Variants in MAF observed in about 807,000 individuals in gnomAD.
MAF encodes MAF bZIP transcription factor.
In MAF, 10 loss-of-function variants were observed where a neutral mutation model predicts 22.0. That is an observed-to-expected ratio of 0.45 (90% CI 0.28 to 0.77). MAF has a LOEUF of 0.77. Among genes scored for constraint, MAF ranks in the 30% least tolerant of loss-of-function variants. The probability of loss-of-function intolerance (pLI) is 0.12; values close to 1 mark genes in which losing one functional copy is unlikely to be tolerated. For missense variants in MAF, 544 were observed against 548.4 expected (o/e 0.99, Z 0.08); for synonymous variants, 337 against 255.8 (o/e 1.32, Z -3.03).
At chr16:79,477,492 C>A in the MAF span, among the ~76,000 whole-genome samples, 1 of 152,176 alleles carries the variant, frequency 6.6e-6, no homozygotes, top group Non-Finnish European at 1.5e-5. Flanking sequence ...ACCTTGAAAG[C>A]CTGTGTTCAC....
At chr16:79,272,129 G>T in the MAF span, among the ~76,000 whole-genome samples, 5 of 152,288 alleles carry the variant, frequency 3.3e-5, no homozygotes, top group East Asian at 9.7e-4. Context: ...GGCAGCAGGC[G>T]GGGGCCCCCA....
chr16:79,279,127 C>G, the MAF span, among the ~76,000 whole-genome samples: 1 of 152,120 alleles, frequency 6.6e-6, no homozygotes, highest in Non-Finnish European at 1.5e-5. Flanking sequence ...TAGACAGGAA[C>G]CAGTGGCTTC....
chr16:79,299,349 AAAAAAAAAAAAAAG>A, the MAF span, among the ~76,000 whole-genome samples: 3 of 92,464 alleles, frequency 3.2e-5, no homozygotes, highest in Admixed American at 2.0e-4. Flanking sequence ...AAGAAAAAGA[AAAAAAAAAAAAAAG>A]AAAAAAAACA....
the MAF span, among the ~76,000 whole-genome samples, chr16:79,263,697 T>A: frequency 6.6e-6 from 1 of 151,556 alleles, no homozygotes. Context: ...GGGGAGGAGG[T>A]TGTCTCCTCA....
the MAF span, among the ~76,000 whole-genome samples, chr16:79,529,668 A>G: frequency 6.6e-6 from 1 of 152,206 alleles, no homozygotes; most frequent in Admixed American, 6.5e-5. Context: ...CATGCAATAA[A>G]TATTATTTTA....
At chr16:79,313,406 G>C in the MAF span, among the ~76,000 whole-genome samples, 3 of 152,136 alleles carry the variant, frequency 2.0e-5, no homozygotes, top group Admixed American at 6.5e-5. Context: ...AACAGTAAAA[G>C]GCCAGTCATG....
chr16:79,400,105 A>G, the MAF span, among the ~76,000 whole-genome samples: 35 of 152,306 alleles, frequency 2.3e-4, no homozygotes, highest in South Asian at 2.5e-3. Flanking sequence ...TGGTTGCTCC[A>G]GGACAGGGTA....
chr16:79,477,720 A>T, the MAF span, among the ~76,000 whole-genome samples: 16 of 150,058 alleles, frequency 1.1e-4, no homozygotes, highest in African/African-American at 2.9e-4. Context: ...ATTAAGTGAC[A>T]TTTTTTTTTT....
At chr16:79,452,568 C>T in the MAF span, among the ~76,000 whole-genome samples, 1 of 152,116 alleles carries the variant, frequency 6.6e-6, no homozygotes, top group Non-Finnish European at 1.5e-5. Flanking sequence ...TTTACCCTCT[C>T]ATTTTCTCAG....
intron 1 of MAF, chr16:79,595,123 G>GGA: frequency 9.9e-7 from 1 of 1,013,076 alleles, no homozygotes; most frequent in African/African-American, 1.8e-5. Context: ...GTTGTGATGA[G>GGA]GAAAAAAAAA....
At chr16:79,524,398 G>A in the MAF span, among the ~76,000 whole-genome samples, 1 of 152,082 alleles carries the variant, frequency 6.6e-6, no homozygotes, top group Non-Finnish European at 1.5e-5. Context: ...TTTGCAACTG[G>A]CAAATGAAAC....
At chr16:79,292,552 G>A in the MAF span, among the ~76,000 whole-genome samples, 13 of 152,164 alleles carry the variant, frequency 8.5e-5, no homozygotes, top group Non-Finnish European at 1.6e-4. Flanking sequence ...TAGAGAGAAA[G>A]AACTCAGAAG....
chr16:79,213,589 A>ATCTT, the MAF span, among the ~76,000 whole-genome samples: 2 of 152,236 alleles, frequency 1.3e-5, no homozygotes, highest in East Asian at 3.9e-4. Context: ...TTCCTTGTTG[A>ATCTT]TCTTTGGAAC....
chr16:79,507,308 A>T, the MAF span, among the ~76,000 whole-genome samples: 1 of 147,016 alleles, frequency 6.8e-6, no homozygotes. Flanking sequence ...AGTGGAGACC[A>T]GGTTTCATTG....
At chr16:79,414,276 G>C in the MAF span, among the ~76,000 whole-genome samples, 1 of 152,324 alleles carries the variant, frequency 6.6e-6, no homozygotes, top group Non-Finnish European at 1.5e-5. Flanking sequence ...TTCTCAAGCT[G>C]TACAAGAAGC....
chr16:79,548,767 G>A, the MAF span, among the ~76,000 whole-genome samples: 2 of 152,134 alleles, frequency 1.3e-5, no homozygotes, highest in Non-Finnish European at 2.9e-5. Flanking sequence ...TGGACTCATG[G>A]CAAGACACTA....
the MAF span, among the ~76,000 whole-genome samples, chr16:79,455,568 T>A: frequency 2.0e-5 from 3 of 152,182 alleles, no homozygotes; most frequent in African/African-American, 7.2e-5. Context: ...CTTCCAAATT[T>A]ACCAGTAAAT....
chr16:79,286,592 C>G, the MAF span, among the ~76,000 whole-genome samples: 3 of 152,182 alleles, frequency 2.0e-5, no homozygotes, highest in African/African-American at 4.8e-5. Flanking sequence ...CTTTCACTCA[C>G]TTTTTTCAGC....
chr16:79,378,421 G>A, the MAF span, among the ~76,000 whole-genome samples: 8 of 152,122 alleles, frequency 5.3e-5, no homozygotes, highest in Admixed American at 2.0e-4. Context: ...CAAGCTTGGC[G>A]AAACAAAGCT....
Sources: gnomAD v4.1 joint callset for allele counts (sites outside exome capture counted in the v4.1 genomes callset) on GRCh38, gnomAD v4.1.1 for gene constraint, MANE v1.5 for transcripts, NCBI Gene and HGNC (gene_info 2026-07-23, HGNC 2026-07-21) for gene names.